The following MBNL3 variants were observed in gnomAD, a reference collection of about 807,000 sequenced individuals.
MBNL3 encodes muscleblind like splicing regulator 3, also known as muscleblind-like protein 3.
MBNL3 carries 6 observed loss-of-function variants against 24.5 expected under a neutral mutation model. The observed-to-expected ratio is 0.25, with a 90% CI of 0.13 to 0.48. The LOEUF is 0.48. Among genes scored for constraint, MBNL3 ranks in the 20% least tolerant of loss-of-function variants. The pLI is 0.99. For synonymous variants in MBNL3, 100 were observed against 101.7 expected (o/e 0.98, Z 0.10); for missense variants, 230 against 293.5 (o/e 0.78, Z 1.58).
At chrX:132,449,977 G>GGCCC (rs1945983755) in intron 1 of MBNL3, among the ~76,000 whole-genome samples, 1 of 25,468 alleles carries the variant, frequency 3.9e-5, no homozygotes. Flanking sequence ...GCTGAATATT[G>GGCCC]CCCCCCCCCC....
intron 8 of MBNL3, 68 bp downstream of exon 8, chrX:132,382,110 G>A: frequency 2.1e-6 from 2 of 955,694 alleles, no homozygotes; most frequent in Non-Finnish European, 1.5e-6. Context: ...AATCCAAAAA[G>A]CATATACTGT....
chrX:132,400,846 T>A (rs971072836), intron 3 of MBNL3, among the ~76,000 whole-genome samples: 2 of 112,255 alleles, frequency 1.8e-5, no homozygotes, highest in African/African-American at 6.5e-5. Flanking sequence ...TCAACCTCAA[T>A]GCGGAAGTTC....
At chrX:132,457,552 T>A (rs1737965782) in intron 1 of MBNL3, among the ~76,000 whole-genome samples, 1 of 111,234 alleles carries the variant, frequency 9.0e-6, no homozygotes, top group South Asian at 3.8e-4. Flanking sequence ...GATGGATTCC[T>A]ATACTGTAGG....
At chrX:132,390,743 C>T in intron 5 of MBNL3, 104 bp downstream of exon 5, 1 of 599,707 alleles carries the variant, frequency 1.7e-6, no homozygotes, top group African/African-American at 2.2e-5. Context: ...ATATTAAGGT[C>T]CTCTCATGAC....
At chrX:132,443,579 C>T (rs1487585812) in intron 1 of MBNL3, among the ~76,000 whole-genome samples, 2 of 111,468 alleles carry the variant, frequency 1.8e-5, no homozygotes, top group African/African-American at 3.3e-5. Flanking sequence ...TCCTTGCTCC[C>T]GTGGAACATG....
At chrX:132,396,487 CCT>C (rs1491170674) in intron 3 of MBNL3, among the ~76,000 whole-genome samples, 3 of 62,917 alleles carry the variant, frequency 4.8e-5, no homozygotes, top group Admixed American at 4.4e-4. Context: ...CATATATATT[CCT>C]ATATATATTC....
intron 1 of MBNL3, among the ~76,000 whole-genome samples, chrX:132,444,005 C>A (rs1276090344): frequency 2.6e-5 from 1 of 37,794 alleles, no homozygotes. Flanking sequence ...CCCCCCCCCC[C>A]ACCTACTTAA....
Position 132,403,339 on chromosome X carries a change from A to G in MBNL3, c.342+2889T>C, listed in dbSNP as rs1277380477. 3.6e-5 allele frequency among the ~76,000 whole-genome samples: 4 copies of G among 111,855 alleles called. No homozygotes were observed. The South Asian group carries it at 1.5e-3, about 42-fold the overall frequency. The stretch of plus-strand genomic sequence containing the variant: ...TAATAACTGCAGGAATTAATCATTT[A>G]TCGGCTCATCGCATCATAACAGCTA... On this transcript the variant is annotated intron_variant, in intron 3 of 8. Transcript: ENST00000370853.
chrX:132,411,087 T>C (rs1942661916), intron 2 of MBNL3: 1 of 720,996 alleles, frequency 1.4e-6, no homozygotes, highest in African/African-American at 2.3e-5. Flanking sequence ...TAATAAACCA[T>C]TTCTTAAATA....
intron 1 of MBNL3, among the ~76,000 whole-genome samples, chrX:132,486,699 C>T (rs1218049887): frequency 8.9e-6 from 1 of 112,109 alleles, no homozygotes; most frequent in African/African-American, 3.2e-5. Context: ...TTTAATGTAA[C>T]ATTTATTAAG....
At chrX:132,437,889 T>C (rs1230592946) in intron 2 of MBNL3, 13 of 636,362 alleles carry the variant, frequency 2.0e-5, no homozygotes, top group Non-Finnish European at 2.4e-5. Flanking sequence ...TTTTCAATGG[T>C]AGGAATTACC....
At chrX:132,403,701 T>C (rs940995316) in intron 3 of MBNL3, among the ~76,000 whole-genome samples, 2 of 111,603 alleles carry the variant, frequency 1.8e-5, no homozygotes, top group African/African-American at 3.3e-5. Context: ...AGACTTGGAA[T>C]GGAGAGACTC....
intron 3 of MBNL3, among the ~76,000 whole-genome samples, chrX:132,398,266 G>A (rs1008103436): frequency 5.4e-5 from 6 of 111,075 alleles, no homozygotes; most frequent in African/African-American, 2.0e-4. Flanking sequence ...ACAACAGCAG[G>A]CCAGGAATCA....
intron 1 of MBNL3, among the ~76,000 whole-genome samples, chrX:132,470,751 G>A (rs956373943): frequency 9.0e-6 from 1 of 111,624 alleles, no homozygotes; most frequent in Non-Finnish European, 1.9e-5. Context: ...TAATTTGGAA[G>A]TGAATTGTAA....
At chrX:132,410,561 CT>C (rs201617525) in intron 2 of MBNL3, among the ~76,000 whole-genome samples, 1,231 of 112,284 alleles carry the variant, frequency 0.011, 7 homozygotes, top group South Asian at 0.029. Context: ...CATAATCTCA[CT>C]GATCTGCTAG....
intron 2 of MBNL3, among the ~76,000 whole-genome samples, chrX:132,414,940 T>A (rs1943158286): frequency 8.9e-6 from 1 of 111,767 alleles, no homozygotes; most frequent in Non-Finnish European, 1.9e-5. Flanking sequence ...TTTCCTATGA[T>A]TGCAAAGTAA....
intron 5 of MBNL3, among the ~76,000 whole-genome samples, chrX:132,389,361 C>A (rs1936722621): frequency 3.6e-5 from 4 of 111,809 alleles, no homozygotes; most frequent in Non-Finnish European, 7.5e-5. Flanking sequence ...GAGCAATTTG[C>A]AGTATTTGGC....
intron 5 of MBNL3, among the ~76,000 whole-genome samples, chrX:132,388,267 G>T (rs1452119620): frequency 8.9e-6 from 1 of 112,048 alleles, no homozygotes; most frequent in Non-Finnish European, 1.9e-5. Flanking sequence ...TAGCTTTAGA[G>T]ATATAAAATT....
At chrX:132,415,074 G>C (rs1327345443) in intron 2 of MBNL3, among the ~76,000 whole-genome samples, 6 of 111,859 alleles carry the variant, frequency 5.4e-5, no homozygotes, top group African/African-American at 2.0e-4. Flanking sequence ...TCTGAAATAA[G>C]AACGTCAAGC....
Sources: allele counts gnomAD v4.1 joint callset (sites outside exome capture counted in the v4.1 genomes callset), GRCh38; gene constraint gnomAD v4.1.1; transcripts MANE v1.5; gene names NCBI Gene and HGNC (gene_info 2026-07-23, HGNC 2026-07-21).